PPFIBP1: variants seen among roughly 807,000 people sequenced by gnomAD.
The protein encoded by PPFIBP1 is liprin-beta-1.
Under a neutral mutation model 137.8 loss-of-function variants are expected in PPFIBP1, and 112 were observed. The ratio of observed to expected loss-of-function variants is 0.81; its 90% CI spans 0.70 to 0.95. PPFIBP1 has a LOEUF of 0.95. Ranked by LOEUF, PPFIBP1 falls within the 40% of genes least tolerant of loss-of-function variation. The probability of loss-of-function intolerance (pLI) is 0.00; values close to 1 mark genes in which losing one functional copy is unlikely to be tolerated. For synonymous variants in PPFIBP1, 378 were observed against 417.3 expected (o/e 0.91, Z 1.15); for missense variants, 1,083 against 1,196.6 (o/e 0.91, Z 1.40).
At chr12:27,647,082 A>G (rs1327693083) in intron 5 of PPFIBP1, among the ~76,000 whole-genome samples, 3 of 151,922 alleles carry the variant, frequency 2.0e-5, no homozygotes, top group African/African-American at 7.3e-5. Context: ...GCTCACTGCA[A>G]CCTCCACCTC....
chr12:27,599,392 A>G (rs184073227), intron 2 of PPFIBP1: 1 of 452,170 alleles, frequency 2.2e-6, no homozygotes, highest in Non-Finnish European at 4.4e-6. Flanking sequence ...TCAAGCCTTC[A>G]GACTCAGACT....
At chr12:27,636,050 T>G (rs1040761630) in intron 4 of PPFIBP1, 1 of 152,352 alleles carries the variant, frequency 6.6e-6, no homozygotes, top group African/African-American at 2.4e-5. Context: ...ATCTACTTTA[T>G]GATCTGTGGT....
chr12:27,650,262 A>G, intron 7 of PPFIBP1, 121 bp downstream of exon 7: 1 of 698,270 alleles, frequency 1.4e-6, no homozygotes, highest in Non-Finnish European at 2.2e-6. Flanking sequence ...GAAGGCAGTT[A>G]ATTACTACGT....
chr12:27,538,117 A>G (rs977318194), intron 1 of PPFIBP1: 1 of 152,350 alleles, frequency 6.6e-6, no homozygotes, highest in African/African-American at 2.4e-5. Flanking sequence ...TTCTGTGCAG[A>G]GGACTCCGGC....
chr12:27,576,146 C>T (rs60058505), intron 1 of PPFIBP1, among the ~76,000 whole-genome samples: 2,848 of 152,250 alleles, frequency 0.019, 45 homozygotes, highest in Non-Finnish European at 0.024. Flanking sequence ...ATCTCTGCCC[C>T]ATCCCCCACC....
Position 27,598,837 on chromosome 12 carries a change from C to T in PPFIBP1, c.-36+20598C>T, listed in dbSNP as rs566583286. 4.1e-4 allele frequency among the ~76,000 whole-genome samples: 63 copies of T among 152,196 alleles called. No individual in the cohort carries two copies. In the South Asian group the frequency reaches 0.013, roughly 32 times the overall value. Reference sequence around the variant, plus strand: ...CTCATGTTAATTTTTTTCTTAGGGCCTTAATTAGACTTGCAGGTCTAGCTT... The same window carrying T: ...CTCATGTTAATTTTTTTCTTAGGGCTTTAATTAGACTTGCAGGTCTAGCTT... On this transcript the variant is annotated intron_variant, in intron 2 of 29. Transcript: ENST00000228425.
intron 9 of PPFIBP1, among the ~76,000 whole-genome samples, chr12:27,657,441 G>A (rs1369240297): frequency 6.7e-6 from 1 of 149,624 alleles, no homozygotes; most frequent in Non-Finnish European, 1.5e-5. Context: ...TTGTTATTAC[G>A]AATGATGACT....
chr12:27,636,857 G>A (rs1380734464), intron 4 of PPFIBP1: 1 of 152,134 alleles, frequency 6.6e-6, no homozygotes, highest in African/African-American at 2.4e-5. Flanking sequence ...CAAGCACAGT[G>A]GCTTTTTCAC....
intron 14 of PPFIBP1, 50 bp downstream of exon 14, chr12:27,671,596 G>C (rs111976446): frequency 8.2e-7 from 1 of 1,212,562 alleles, no homozygotes; most frequent in Non-Finnish European, 1.2e-6. Context: ...AAGTAGATCA[G>C]CCAAAGACAA....
At chr12:27,562,457 G>A (rs2049247554) in intron 1 of PPFIBP1, among the ~76,000 whole-genome samples, 1 of 152,090 alleles carries the variant, frequency 6.6e-6, no homozygotes, top group South Asian at 2.1e-4. Flanking sequence ...AAATTATCTT[G>A]GTAAAAGTTA....
chr12:27,596,089 CACACACACACACACACACATAT>C (rs2053260599), intron 2 of PPFIBP1, among the ~76,000 whole-genome samples: 4 of 147,062 alleles, frequency 2.7e-5, no homozygotes. Context: ...CACACACACA[CACACACACACACACACACATAT>C]GCTTACAAAT....
chr12:27,550,991 A>ATTTT (rs9300174), intron 1 of PPFIBP1, among the ~76,000 whole-genome samples: 4 of 136,712 alleles, frequency 2.9e-5, no homozygotes, highest in African/African-American at 8.4e-5. Flanking sequence ...ATATATATAT[A>ATTTT]TTTTTTTTTT....
intron 5 of PPFIBP1, chr12:27,646,363 T>G: frequency 3.4e-6 from 2 of 583,684 alleles, no homozygotes; most frequent in African/African-American, 1.8e-5. Context: ...TCCTCAGCTC[T>G]TGCAGGACCA....
intron 2 of PPFIBP1, among the ~76,000 whole-genome samples, chr12:27,623,340 C>A (rs1251801410): frequency 6.6e-6 from 1 of 152,092 alleles, no homozygotes; most frequent in Non-Finnish European, 1.5e-5. Context: ...CATGAAATTT[C>A]AGTTTTTAAG....
intron 1 of PPFIBP1, among the ~76,000 whole-genome samples, chr12:27,556,924 T>G (rs1281357025): frequency 6.8e-6 from 1 of 147,512 alleles, no homozygotes; most frequent in Non-Finnish European, 1.5e-5. Flanking sequence ...GGGATTAAGC[T>G]TCCTAAAATC....
At chr12:27,570,401 A>G (rs1002826183) in intron 1 of PPFIBP1, among the ~76,000 whole-genome samples, 4 of 152,186 alleles carry the variant, frequency 2.6e-5, no homozygotes, top group Non-Finnish European at 5.9e-5. Flanking sequence ...AGTTGTGGAC[A>G]TGGGGTATTA....
At chr12:27,630,416 TGTA>T (rs1419571091) in intron 2 of PPFIBP1, among the ~76,000 whole-genome samples, 7 of 152,116 alleles carry the variant, frequency 4.6e-5, no homozygotes, top group Non-Finnish European at 1.0e-4. Context: ...CTTCCTGATG[TGTA>T]GTTTTTAAAT....
Position 27,682,433 on chromosome 12 carries a change from C to T in PPFIBP1, c.2093C>T (p.Ala698Val). ...HSLHRKKLQLALQALGSEEET... is the reference protein window; with the variant it reads ...HSLHRKKLQLVLQALGSEEET... ...CTTCATCGAAAGAAACTCCAGCTAG[C>T]ACTCCAAGCCCTGGGATCTGAAGAA... Residue 698 changes from alanine (A) to valine (V), a missense_variant, in exon 23 of 30, where the codon GCA becomes GTA. Transcript: ENST00000228425. 3 of 1,614,006 alleles carry T rather than the reference C, an allele frequency of 1.9e-6. No homozygotes were observed. The highest frequency in any genetic ancestry group is 2.5e-6 in the Non-Finnish European group (3 of 1,179,878).
At chr12:27,550,889 TTAA>T (rs1463712280) in intron 1 of PPFIBP1, among the ~76,000 whole-genome samples, 1 of 151,490 alleles carries the variant, frequency 6.6e-6, no homozygotes, top group Admixed American at 6.6e-5. Context: ...AAGGGTGGCA[TTAA>T]TAATAATAAT....
Sources: allele counts gnomAD v4.1 joint callset (sites outside exome capture counted in the v4.1 genomes callset), GRCh38; gene constraint gnomAD v4.1.1; transcripts MANE v1.5; gene names NCBI Gene and HGNC (gene_info 2026-07-23, HGNC 2026-07-21).